Variants in MTA3 observed in about 807,000 individuals in gnomAD.
MTA3 encodes the protein metastasis-associated protein MTA3.
In MTA3, 34 loss-of-function variants were observed where a neutral mutation model predicts 83.5. The ratio of observed to expected loss-of-function variants is 0.41; its 90% CI spans 0.31 to 0.54. The LOEUF (loss-of-function observed/expected upper bound fraction) is 0.54. Ranked by LOEUF, MTA3 falls within the 20% of genes least tolerant of loss-of-function variation. MTA3 has a pLI of 0.33. For missense variants in MTA3, 761 were observed against 726.4 expected, an observed-to-expected ratio of 1.05 and a Z score of -0.55; for synonymous variants, 303 against 252.7, an observed-to-expected ratio of 1.20 and a Z score of -1.89.
intron 2 of MTA3, among the ~76,000 whole-genome samples, chr2:42,571,548 G>T (rs1260597941): frequency 6.6e-6 from 1 of 152,124 alleles, no homozygotes; most frequent in Non-Finnish European, 1.5e-5. Flanking sequence ...ATGTAACTCA[G>T]ACCCTTTTTA....
At chr2:42,589,439 C>A (rs1177231476) in intron 3 of MTA3, among the ~76,000 whole-genome samples, 1 of 152,114 alleles carries the variant, frequency 6.6e-6, no homozygotes, top group East Asian at 1.9e-4. Context: ...GCCAGTCTTC[C>A]CTGACAAACC....
chr2:42,682,338 TC>T, intron 8 of MTA3, 62 bp from the exon 9 acceptor site: 1 of 1,246,020 alleles, frequency 8.0e-7, no homozygotes, highest in Non-Finnish European at 1.1e-6. Context: ...GTGTTTATAT[TC>T]TTACATAATG....
chr2:42,570,495 A>G lies in MTA3; in HGVS notation c.87A>G (p.Glu29=), dbSNP rs1678342644. Residue 29 remains glutamate, a synonymous_variant, in exon 2 of 17, where the codon GAA becomes GAG. Coordinates refer to ENST00000405094, the MANE Select transcript of MTA3 (RefSeq NM_001330442.2). The stretch of plus-strand genomic sequence containing the variant: ...CATACCTAATAAGAAGGATAGAAGA[A>G]CTCAACAAGGTATACACTGAGTGTT... ...SNPYLIRRIE[E]LNKTASGNVE... 2 of 1,527,644 alleles carry G rather than the reference A, an allele frequency of 1.3e-6. No homozygotes were observed. Among genetic ancestry groups the G allele is most frequent in the Non-Finnish European group, 1.8e-6 (2 of 1,124,236 alleles). 94.6% of individuals were successfully genotyped at this position (1,527,644 alleles called of 1,614,324 possible).
intron 9 of MTA3, among the ~76,000 whole-genome samples, chr2:42,687,693 C>G (rs918149560): frequency 6.6e-6 from 1 of 152,154 alleles, no homozygotes; most frequent in Admixed American, 6.5e-5. Flanking sequence ...GAATTCCCTT[C>G]CCGGTATGTT....
At chr2:42,537,356 G>C (rs993421813) in intron 2 of MTA3, among the ~76,000 whole-genome samples, 11 of 152,076 alleles carry the variant, frequency 7.2e-5, no homozygotes, top group African/African-American at 2.4e-4. Flanking sequence ...CTGAGGTCAG[G>C]GGTTCGAGAC....
intron 2 of MTA3, among the ~76,000 whole-genome samples, chr2:42,525,584 C>A (rs1412656191): frequency 7.3e-6 from 1 of 137,680 alleles, no homozygotes; most frequent in Non-Finnish European, 1.6e-5. Flanking sequence ...CCTTCCCCTT[C>A]CTTCCTTTCC....
At chr2:42,637,137 C>G (rs980876736) in intron 4 of MTA3, among the ~76,000 whole-genome samples, 4 of 152,184 alleles carry the variant, frequency 2.6e-5, no homozygotes, top group African/African-American at 4.8e-5. Context: ...CAGCACCCTG[C>G]GCAGTCTCTG....
At chr2:42,617,264 C>G (rs893267398) in intron 4 of MTA3, among the ~76,000 whole-genome samples, 4 of 152,136 alleles carry the variant, frequency 2.6e-5, no homozygotes, top group African/African-American at 4.8e-5. Flanking sequence ...TGTACATACC[C>G]TTTGAGCCAG....
At chr2:42,751,603 G>A (rs1420481133) in intron 16 of MTA3, among the ~76,000 whole-genome samples, 4 of 152,328 alleles carry the variant, frequency 2.6e-5, no homozygotes, top group Admixed American at 1.3e-4. Context: ...ATTGAAAACC[G>A]TGGCCAGGGT....
intron 2 of MTA3, among the ~76,000 whole-genome samples, chr2:42,549,181 A>ATATATAATATATATATG (rs1274429325): frequency 7.3e-6 from 1 of 137,334 alleles, no homozygotes; most frequent in Non-Finnish European, 1.5e-5. Context: ...CTTAAAATAT[A>ATATATAATATATATATG]TATATAATAT....
upstream of MTA3, among the ~76,000 whole-genome samples, chr2:42,563,676 C>A (rs1352170282): frequency 3.3e-5 from 5 of 152,132 alleles, no homozygotes; most frequent in East Asian, 5.8e-4. Flanking sequence ...CCATGTTAGC[C>A]AGGACGGTCT....
intron 14 of MTA3, chr2:42,712,676 A>G (rs1666722810): frequency 2.0e-5 from 3 of 152,198 alleles, no homozygotes; most frequent in African/African-American, 7.2e-5. Context: ...GCATAAAGAA[A>G]CGTACTGTTT....
chr2:42,727,830 A>T (rs1404625263), intron 16 of MTA3, among the ~76,000 whole-genome samples: 1 of 152,254 alleles, frequency 6.6e-6, no homozygotes, highest in East Asian at 1.9e-4. Flanking sequence ...TTGTGGATAC[A>T]TAGTAGATGT....
intron 3 of MTA3, among the ~76,000 whole-genome samples, chr2:42,607,021 ACAGTC>A (rs891066551): frequency 2.0e-5 from 3 of 150,584 alleles, no homozygotes; most frequent in African/African-American, 7.3e-5. Flanking sequence ...TGGCAGCAGT[ACAGTC>A]CAGCTTCGGC....
chr2:42,551,776 G>GTCACC (rs1677118610), intron 2 of MTA3, among the ~76,000 whole-genome samples: 1 of 151,872 alleles, frequency 6.6e-6, no homozygotes, highest in Admixed American at 6.6e-5. Flanking sequence ...GTTTCGCTCT[G>GTCACC]GAGTGCAGTG....
chr2:42,630,598 C>T (rs1686580498), intron 4 of MTA3, among the ~76,000 whole-genome samples: 1 of 151,982 alleles, frequency 6.6e-6, no homozygotes, highest in South Asian at 2.1e-4. Context: ...TAAAGATCTG[C>T]CTCATTCTTT....
intron 2 of MTA3, among the ~76,000 whole-genome samples, chr2:42,574,461 C>G (rs969269149): frequency 2.0e-5 from 3 of 150,274 alleles, no homozygotes; most frequent in African/African-American, 7.4e-5. Flanking sequence ...CTGCATTTGC[C>G]TATGTTAGTT....
At chr2:42,624,327 T>G (rs1685872136) in intron 4 of MTA3, among the ~76,000 whole-genome samples, 2 of 152,214 alleles carry the variant, frequency 1.3e-5, no homozygotes, top group South Asian at 4.2e-4. Flanking sequence ...ATTTTTTAAT[T>G]TTTTATTTTT....
chr2:42,531,139 A>G (rs1258170796), intron 2 of MTA3, among the ~76,000 whole-genome samples: 1 of 152,090 alleles, frequency 6.6e-6, no homozygotes, highest in East Asian at 1.9e-4. Context: ...CCCATGTGGC[A>G]GTATTAAGAG....
Sources: allele counts gnomAD v4.1 joint callset (sites outside exome capture counted in the v4.1 genomes callset), GRCh38; gene constraint gnomAD v4.1.1; transcripts MANE v1.5; gene names NCBI Gene and HGNC (gene_info 2026-07-23, HGNC 2026-07-21).